TMEM132D: variants seen among roughly 807,000 people sequenced by gnomAD.
TMEM132D encodes mature OL transmembrane protein.
A neutral mutation model predicts 62.3 loss-of-function variants in TMEM132D; 21 were observed. The ratio of observed to expected loss-of-function variants is 0.34; its 90% CI spans 0.24 to 0.49. The LOEUF (loss-of-function observed/expected upper bound fraction) is 0.49, where lower values mean the gene tolerates loss of function less well. Among genes scored for constraint, TMEM132D ranks in the 20% least tolerant of loss-of-function variants. The probability of loss-of-function intolerance (pLI) is 0.99; values close to 1 mark genes in which losing one functional copy is unlikely to be tolerated. For synonymous variants in TMEM132D, 621 were observed against 575.6 expected, an observed-to-expected ratio of 1.08 and a Z score of -1.13; for missense variants, 1,346 against 1,402.8, an observed-to-expected ratio of 0.96 and a Z score of 0.65.
At chr12:129,130,669 T>C (rs1174255344) in intron 5 of TMEM132D, among the ~76,000 whole-genome samples, 1 of 151,940 alleles carries the variant, frequency 6.6e-6, no homozygotes, top group African/African-American at 2.4e-5. Flanking sequence ...GGACACACTA[T>C]TGAGAAAGGA....
intron 1 of TMEM132D, among the ~76,000 whole-genome samples, chr12:129,738,892 C>G (rs1044884890): frequency 2.0e-5 from 3 of 151,972 alleles, no homozygotes; most frequent in African/African-American, 7.3e-5. Context: ...TACATTATAC[C>G]CAGAAGTATA....
intron 3 of TMEM132D, among the ~76,000 whole-genome samples, chr12:129,409,830 A>C (rs189578570): frequency 6.6e-6 from 1 of 152,364 alleles, no homozygotes; most frequent in Admixed American, 6.5e-5. Flanking sequence ...ATAATCTTGC[A>C]TGAGGAAGCT....
intron 2 of TMEM132D, among the ~76,000 whole-genome samples, chr12:129,588,017 G>A (rs1372458136): frequency 1.3e-5 from 2 of 152,118 alleles, no homozygotes; most frequent in Non-Finnish European, 2.9e-5. Flanking sequence ...CACCCTTCAT[G>A]GCTTCTGATG....
chr12:129,543,692 T>G lies in TMEM132D; in HGVS notation c.969-12487A>C, dbSNP rs1278576184. ...TCCAAGTATGGTTTTCACTGGATGC[T>G]TATCACTTTCACACCATTGTAAAAT... On this transcript the variant is annotated intron_variant, in intron 2 of 8. Coordinates refer to ENST00000422113, the MANE Select transcript of TMEM132D (RefSeq NM_133448.3). Among the ~76,000 whole-genome samples the G allele has an allele frequency of 3.3e-4, 51 of 152,352 alleles. 1 individual carries two copies. Among genetic ancestry groups the G allele is most frequent in the Non-Finnish European group, 1.2e-4 (8 of 68,040 alleles).
At chr12:129,108,842 A>G (rs1875587302) in intron 5 of TMEM132D, among the ~76,000 whole-genome samples, 1 of 152,168 alleles carries the variant, frequency 6.6e-6, no homozygotes, top group African/African-American at 2.4e-5. Context: ...CTACTCATAT[A>G]CCCAATGCCT....
rs1031357396 is a variant in TMEM132D, at chr12:129,548,278, G to A, written c.969-17073C>T. ...CTTCACTCGGTGCTGGAGGCAGTCC[G>A]CAGCACTCTTCTCCCTTCTCTCTTT... is the stretch of plus-strand genomic sequence containing the variant. On this transcript the variant is annotated intron_variant, in intron 2 of 8. Coordinates refer to ENST00000422113, the MANE Select transcript of TMEM132D (RefSeq NM_133448.3). 7.2e-5 allele frequency among the ~76,000 whole-genome samples: 11 copies of A among 152,258 alleles called. No individual in the cohort carries two copies. In the East Asian group the frequency reaches 7.7e-4, roughly 11 times the overall value.
intron 4 of TMEM132D, among the ~76,000 whole-genome samples, chr12:129,285,845 TCCC>T (rs1881281481): frequency 6.6e-6 from 1 of 152,110 alleles, no homozygotes; most frequent in Non-Finnish European, 1.5e-5. Flanking sequence ...CCATTCCACT[TCCC>T]CCATCAGTCC....
At chr12:129,279,734 T>C (rs577933138) in intron 4 of TMEM132D, among the ~76,000 whole-genome samples, 80 of 152,308 alleles carry the variant, frequency 5.3e-4, no homozygotes, top group African/African-American at 1.8e-3. Flanking sequence ...CCGTTCATTC[T>C]TCCCCCCAGC....
chr12:129,676,013 C>G (rs946003667), intron 2 of TMEM132D, among the ~76,000 whole-genome samples: 1 of 152,192 alleles, frequency 6.6e-6, no homozygotes, highest in South Asian at 2.1e-4. Context: ...TTAATCAAAT[C>G]TTTCAGTCAA....
chr12:129,551,276 T>G (rs1000603112), intron 2 of TMEM132D, among the ~76,000 whole-genome samples: 7 of 152,200 alleles, frequency 4.6e-5, no homozygotes, highest in African/African-American at 1.4e-4. Flanking sequence ...TTTAGAGCAT[T>G]AAGTTTGTGT....
chr12:129,262,123 T>G (rs922057210), intron 4 of TMEM132D, among the ~76,000 whole-genome samples: 1 of 152,062 alleles, frequency 6.6e-6, no homozygotes, highest in African/African-American at 2.4e-5. Context: ...CCCCTGCCTG[T>G]GATGGTTTCT....
intron 2 of TMEM132D, among the ~76,000 whole-genome samples, chr12:129,688,600 C>G (rs1024307877): frequency 6.6e-6 from 1 of 152,088 alleles, no homozygotes; most frequent in African/African-American, 2.4e-5. Flanking sequence ...AGAACCTAGT[C>G]TCTGACCCAA....
chr12:129,528,915 C>T (rs574269071), intron 3 of TMEM132D, among the ~76,000 whole-genome samples: 123 of 152,366 alleles, frequency 8.1e-4, no homozygotes, highest in African/African-American at 2.9e-3. Flanking sequence ...TACCTCAACA[C>T]ATTTGTCTAT....
At chr12:129,471,855 C>T (rs1316704054) in intron 3 of TMEM132D, among the ~76,000 whole-genome samples, 4 of 152,214 alleles carry the variant, frequency 2.6e-5, no homozygotes, top group Non-Finnish European at 4.4e-5. Flanking sequence ...AAGATCAAAC[C>T]AGCCACAACA....
chr12:129,700,426 C>A lies in TMEM132D; in HGVS notation c.352G>T (p.Gly118Ter). Residue 118 changes from glycine (G) to a stop codon, truncating the protein, a stop_gained, in exon 2 of 9, where the codon GGA (glycine) becomes TGA (stop). Coordinates refer to ENST00000422113, the MANE Select transcript of TMEM132D (RefSeq NM_133448.3). LOFTEE classifies it high-confidence loss of function. Reference protein sequence around the residue: ...QDLMLPSNPFGFTNKFSLNWK... With the variant: ...QDLMLPSNPF ...TTAAGAGAAAATTTGTTGGTGAATC[C>A]AAATGGGTTGGAAGGTAGCATTAAA... The A allele has an allele frequency of 6.2e-7, 1 of 1,614,104 alleles. No individual in the cohort carries two copies.
chr12:129,442,079 G>C (rs1712130563), intron 3 of TMEM132D, among the ~76,000 whole-genome samples: 1 of 152,068 alleles, frequency 6.6e-6, no homozygotes, highest in Non-Finnish European at 1.5e-5. Flanking sequence ...CCAACCCCCA[G>C]TGTTACCCAA....
chr12:129,552,280 C>T (rs1340988558), intron 2 of TMEM132D, among the ~76,000 whole-genome samples: 1 of 152,156 alleles, frequency 6.6e-6, no homozygotes, highest in Non-Finnish European at 1.5e-5. Context: ...TATTGTCTAC[C>T]TATGCATTTA....
At chr12:129,189,887 C>G (rs1878335246) in intron 5 of TMEM132D, among the ~76,000 whole-genome samples, 2 of 152,122 alleles carry the variant, frequency 1.3e-5, no homozygotes, top group African/African-American at 2.4e-5. Flanking sequence ...GAGTCGCTAA[C>G]AGCTGATGTT....
At chr12:129,590,147 C>G (rs1396805939) in intron 2 of TMEM132D, among the ~76,000 whole-genome samples, 1 of 152,114 alleles carries the variant, frequency 6.6e-6, no homozygotes, top group African/African-American at 2.4e-5. Flanking sequence ...TCTCCAAACC[C>G]TGTCCAATTT....
Sources: allele counts gnomAD v4.1 joint callset (sites outside exome capture counted in the v4.1 genomes callset), GRCh38; gene constraint gnomAD v4.1.1; transcripts MANE v1.5; gene names NCBI Gene and HGNC (gene_info 2026-07-23, HGNC 2026-07-21).